The following THSD7A variants were observed in gnomAD, a reference collection of about 807,000 sequenced individuals.
THSD7A encodes the protein thrombospondin type-1 domain-containing protein 7A.
In THSD7A, 96 loss-of-function variants were observed where a neutral mutation model predicts 231.3. The observed-to-expected ratio is 0.41, with a 90% CI of 0.35 to 0.49. THSD7A has a LOEUF of 0.49. Among genes scored for constraint, THSD7A ranks in the 20% least tolerant of loss-of-function variants. The probability of loss-of-function intolerance (pLI) is 0.05; values close to 1 mark genes in which losing one functional copy is unlikely to be tolerated. For synonymous variants in THSD7A, 940 were observed against 743.3 expected (o/e 1.26, Z -4.30); for missense variants, 2,290 against 2,070.2 (o/e 1.11, Z -2.06).
chr7:11,508,933 G>T (rs1787674886), intron 6 of THSD7A, among the ~76,000 whole-genome samples: 3 of 152,142 alleles, frequency 2.0e-5, no homozygotes, highest in Admixed American at 2.0e-4. Context: ...GTTGCCAGGG[G>T]CTGTAGGAGA....
At chr7:11,588,074 GTCT>G (rs1260949610) in intron 4 of THSD7A, among the ~76,000 whole-genome samples, 3 of 152,252 alleles carry the variant, frequency 2.0e-5, no homozygotes, top group Non-Finnish European at 4.4e-5. Flanking sequence ...TGAAATGAGT[GTCT>G]TCTTATTAGC....
intron 1 of THSD7A, among the ~76,000 whole-genome samples, chr7:11,652,309 A>G (rs1449578303): frequency 6.6e-6 from 1 of 151,978 alleles, no homozygotes; most frequent in Non-Finnish European, 1.5e-5. Context: ...GCATTACTAC[A>G]AATAATTATT....
In THSD7A at chr7:11,593,243, T is replaced by A. The variant is rs769114450; in HGVS notation, c.1271+11A>T. 20 of 1,613,476 alleles carry A rather than the reference T, an allele frequency of 1.2e-5. No homozygotes were observed. The highest frequency in any genetic ancestry group is 1.7e-5 in the Non-Finnish European group (20 of 1,179,796). ...TTTCGGCAGACGCTATACCCTTCTT[T>A]ATTTACTCACGTGGCACAGGGGACA... On this transcript the variant is annotated intron_variant, in intron 3 of 27. Transcript: ENST00000423059.
At chr7:11,552,368 A>T (rs1158306261) in intron 4 of THSD7A, among the ~76,000 whole-genome samples, 1 of 152,124 alleles carries the variant, frequency 6.6e-6, no homozygotes, top group Non-Finnish European at 1.5e-5. Flanking sequence ...AAGTAAAAAA[A>T]GGAAACAGGT....
intron 2 of THSD7A, among the ~76,000 whole-genome samples, chr7:11,619,588 T>C (rs1781235035): frequency 6.6e-6 from 1 of 151,842 alleles, no homozygotes; most frequent in East Asian, 1.9e-4. Context: ...TTTTAAATTT[T>C]ATTATTATTT....
In THSD7A at chr7:11,636,228, C is replaced by CCTGTTT; in HGVS notation, c.918_923dup (p.Asn307_Arg308dup). The CCTGTTT allele has an allele frequency of 6.2e-7, 1 of 1,613,866 alleles. No homozygotes were observed. The highest frequency in any genetic ancestry group is 8.5e-7 in the Non-Finnish European group (1 of 1,179,856). The stretch of plus-strand genomic sequence containing the variant: ...AATATTTGTTCTCTTGTCTGTTCTG[C>CCTGTTT]CTGTTTCTGTTTCTCTTTTTCTTAA... On this transcript the variant is annotated inframe_insertion, in exon 2 of 28. Coordinates refer to ENST00000423059, the MANE Select transcript of THSD7A (RefSeq NM_015204.3). This position sits in a 1 kb window ranked among gnomAD's most constrained non-coding sequence, Gnocchi z 10.0.
intron 6 of THSD7A, among the ~76,000 whole-genome samples, chr7:11,514,148 T>C (rs1404287774): frequency 6.6e-6 from 1 of 152,072 alleles, no homozygotes; most frequent in East Asian, 1.9e-4. Context: ...CGAGAGGCTC[T>C]CCTTGACCAC....
intron 8 of THSD7A, among the ~76,000 whole-genome samples, chr7:11,472,715 A>G (rs116917154): frequency 0.014 from 2,155 of 152,302 alleles, 24 homozygotes; most frequent in Admixed American, 0.025. Context: ...GTACATATGT[A>G]CATCCATTAC....
intron 23 of THSD7A, among the ~76,000 whole-genome samples, chr7:11,400,958 T>A (rs2115355439): frequency 1.3e-5 from 2 of 152,308 alleles, no homozygotes; most frequent in Middle Eastern, 6.8e-3. Flanking sequence ...CATTTAATGC[T>A]GTGATTCTTG....
chr7:11,676,990 AG>A (rs1212670354), intron 1 of THSD7A, among the ~76,000 whole-genome samples: 6 of 152,138 alleles, frequency 3.9e-5, no homozygotes. Context: ...TTGAAATGAA[AG>A]AAAAAATGTT....
chr7:11,723,361 G>A (rs953470578), intron 1 of THSD7A, among the ~76,000 whole-genome samples: 6 of 151,218 alleles, frequency 4.0e-5, no homozygotes, highest in Non-Finnish European at 8.8e-5. Flanking sequence ...GCATTAGGTG[G>A]TATACCTAAT....
chr7:11,432,393 T>C (rs900204240), intron 13 of THSD7A, among the ~76,000 whole-genome samples: 1 of 152,212 alleles, frequency 6.6e-6, no homozygotes, highest in Admixed American at 6.5e-5. Context: ...CAAAAGTGCA[T>C]TTTCCATAGA....
intron 22 of THSD7A, among the ~76,000 whole-genome samples, chr7:11,402,500 T>C (rs1473407535): frequency 6.6e-6 from 1 of 152,192 alleles, no homozygotes; most frequent in African/African-American, 2.4e-5. Flanking sequence ...CTGGAAATAA[T>C]GCTCACTATT....
rs368060940 is a variant in THSD7A, at chr7:11,509,628, C to T, written c.1823-27646G>A. ...CGGGTGGATCACGAGGTCAGGAGATCGAGACCACGGTGAAACCCCGTCTCT... is the reference window on the plus strand; with the variant it reads ...CGGGTGGATCACGAGGTCAGGAGATTGAGACCACGGTGAAACCCCGTCTCT... On this transcript the variant is annotated intron_variant, in intron 6 of 27. Transcript: ENST00000423059. Among the ~76,000 whole-genome samples, 58 of 150,832 alleles carry T rather than the reference C, an allele frequency of 3.8e-4. No individual in the cohort carries two copies. The East Asian group carries it at 1.0e-2, about 26-fold the overall frequency.
chr7:11,617,336 T>C (rs890269064), intron 2 of THSD7A, among the ~76,000 whole-genome samples: 4 of 152,220 alleles, frequency 2.6e-5, no homozygotes, highest in African/African-American at 9.6e-5. Context: ...ACTTTTGTTT[T>C]CAATTACTAT....
intron 23 of THSD7A, chr7:11,384,551 G>T (rs1782653848): frequency 6.6e-6 from 1 of 151,820 alleles, no homozygotes; most frequent in African/African-American, 2.4e-5. Flanking sequence ...GTAAGCTAAA[G>T]ATATTTTTTA....
At chr7:11,652,994 T>A (rs1291470403) in intron 1 of THSD7A, among the ~76,000 whole-genome samples, 1 of 151,924 alleles carries the variant, frequency 6.6e-6, no homozygotes, top group Non-Finnish European at 1.5e-5. Context: ...AATAGCTTAA[T>A]TTTTTAGTAA....
intron 13 of THSD7A, among the ~76,000 whole-genome samples, chr7:11,434,607 C>T (rs1449883114): frequency 6.6e-6 from 1 of 152,066 alleles, no homozygotes; most frequent in Admixed American, 6.6e-5. Context: ...ATGAGTAACT[C>T]TGGCATTCTC....
intron 6 of THSD7A, among the ~76,000 whole-genome samples, chr7:11,506,078 G>T (rs1347705922): frequency 6.6e-6 from 1 of 152,182 alleles, no homozygotes. Context: ...AGCATCCTCA[G>T]TACATGCAGA....
Sources: allele counts gnomAD v4.1 joint callset (sites outside exome capture counted in the v4.1 genomes callset), GRCh38; gene constraint gnomAD v4.1.1; non-coding constraint Gnocchi (gnomAD v3.1); transcripts MANE v1.5; gene names NCBI Gene and HGNC (gene_info 2026-07-23, HGNC 2026-07-21).